Variants in IFT74 observed in about 807,000 individuals in gnomAD.
IFT74 encodes intraflagellar transport protein 74 homolog.
Under a neutral mutation model 96.7 loss-of-function variants are expected in IFT74, and 92 were observed. The observed-to-expected ratio is 0.95, with a 90% CI of 0.80 to 1.13. The LOEUF is 1.13. Among genes scored for constraint, IFT74 ranks in the 50% most tolerant of loss-of-function variants. The probability of loss-of-function intolerance (pLI) is 0.00; values close to 1 mark genes in which losing one functional copy is unlikely to be tolerated. For missense variants in IFT74, 811 were observed against 698.2 expected (o/e 1.16, Z -1.82); for synonymous variants, 223 against 213.2 (o/e 1.05, Z -0.40).
At chr9:27,000,341 ACG>A (rs1303400007) in intron 8 of IFT74, among the ~76,000 whole-genome samples, 2 of 152,174 alleles carry the variant, frequency 1.3e-5, no homozygotes, top group African/African-American at 4.8e-5. Flanking sequence ...ATTCAGGAAA[ACG>A]TATATTTATG....
chr9:27,052,921 G>A (rs1206462182), intron 16 of IFT74, among the ~76,000 whole-genome samples: 3 of 152,064 alleles, frequency 2.0e-5, no homozygotes, highest in Non-Finnish European at 4.4e-5. Flanking sequence ...GGAGTGCAGT[G>A]GCGCGATTTT....
At chr9:26,963,880 T>C (rs1259537462) in intron 2 of IFT74, among the ~76,000 whole-genome samples, 4 of 152,120 alleles carry the variant, frequency 2.6e-5, no homozygotes, top group African/African-American at 7.2e-5. Context: ...GTCAGATGAG[T>C]AGGTTGCGAA....
At chr9:26,952,884 AG>A (rs1429636974), upstream of IFT74, among the ~76,000 whole-genome samples, 11 of 152,362 alleles carry the variant, frequency 7.2e-5, no homozygotes, top group Non-Finnish European at 1.6e-4. Context: ...ACAGACTAAC[AG>A]GAGAAAAATA....
intron 13 of IFT74, among the ~76,000 whole-genome samples, chr9:27,040,012 A>C (rs1455376714): frequency 6.6e-6 from 1 of 152,222 alleles, no homozygotes; most frequent in Admixed American, 6.5e-5. Context: ...GTTCTGGCTC[A>C]CTAAAATATG....
rs563027138 is a variant in IFT74 at position 26,968,265 on chromosome 9, A to T, written c.120+6178A>T. On this transcript the variant is annotated intron_variant, in intron 2 of 19. Coordinates refer to ENST00000380062, the MANE Select transcript of IFT74 (RefSeq NM_025103.4). ...GAGACGTTTTTTAAATTAAAAAAAAATTTTTTTTTTTTTTGAGATGTAATC... is the reference window on the plus strand; with the variant it reads ...GAGACGTTTTTTAAATTAAAAAAAATTTTTTTTTTTTTTTGAGATGTAATC... 1.3e-3 allele frequency among the ~76,000 whole-genome samples: 184 copies of T among 139,264 alleles called. 2 individuals are homozygous for T. Among genetic ancestry groups the T allele is most frequent in the Middle Eastern group, 3.9e-3 (1 of 256 alleles). 91.4% of individuals were successfully genotyped at this position (139,264 alleles called of 152,430 possible).
chr9:26,992,538 T>C (rs567297418), intron 8 of IFT74, among the ~76,000 whole-genome samples: 21 of 151,678 alleles, frequency 1.4e-4, no homozygotes, highest in African/African-American at 5.1e-4. Flanking sequence ...ACTAAAAATA[T>C]AAAAATTAGC....
In IFT74 at chr9:26,980,642, T is replaced by G. The variant is rs752898601; in HGVS notation, c.305+23T>G. On this transcript the variant is annotated intron_variant, in intron 4 of 19. Transcript: ENST00000380062. ...TAGGTATGTTAAACATATCTTTTCA[T>G]CCGTATGTTTTACTCGAAATATTGT... The G allele has an allele frequency of 3.4e-6, 5 of 1,484,572 alleles. No homozygotes were observed. The African/African-American group carries it at 4.2e-5, about 12-fold the overall frequency. The allele number at this position is 1,484,572 out of a possible 1,614,324, so 92.0% of individuals were successfully genotyped here.
chr9:27,050,700 A>C (rs1489715179), intron 16 of IFT74, among the ~76,000 whole-genome samples: 2 of 131,878 alleles, frequency 1.5e-5, no homozygotes, highest in African/African-American at 2.8e-5. Context: ...ACACTTGGAC[A>C]CAGGAAGGGG....
At chr9:27,050,725 G>A (rs1403400670) in intron 16 of IFT74, among the ~76,000 whole-genome samples, 1 of 138,560 alleles carries the variant, frequency 7.2e-6, no homozygotes, top group Non-Finnish European at 1.5e-5. Flanking sequence ...TCACACACCG[G>A]GGCCTGTTTT....
chr9:26,984,067 A>T lies in IFT74; in HGVS notation c.306-190A>T, dbSNP rs561953931. 2.3e-5 allele frequency: 9 copies of T among 396,550 alleles called. No homozygotes were observed. The South Asian group carries it at 2.6e-4, about 12-fold the overall frequency. The allele number at this position is 396,550 out of a possible 1,614,324, so 24.6% of individuals were successfully genotyped here. ...CCAAAGTGTTGGGATTACAGGCTTG[A>T]CCCACCGCACCCAGCCAGAATATAC... On this transcript the variant is annotated intron_variant, in intron 4 of 19. Transcript: ENST00000380062.
In IFT74 at chr9:27,011,982, C is replaced by A; in HGVS notation, c.789+14C>A. The A allele has an allele frequency of 6.5e-7, 1 of 1,542,726 alleles. No homozygotes were observed. Among genetic ancestry groups the A allele is most frequent in the Non-Finnish European group, 8.8e-7 (1 of 1,138,074 alleles). On this transcript the variant is annotated intron_variant, in intron 10 of 19. Transcript: ENST00000380062. ...AGCCTGGAAGCAGTAAGTATAAAAT[C>A]AAATAAGGGTTCTCATACTACTCAG... is the stretch of plus-strand genomic sequence containing the variant.
At chr9:26,999,791 T>TTG (rs1828379021) in intron 8 of IFT74, 16 of 757,984 alleles carry the variant, frequency 2.1e-5, no homozygotes, top group Non-Finnish European at 3.0e-5. Context: ...TTTTTTTTTT[T>TTG]GGCTGAGACA....
At chr9:27,017,133 C>G in intron 11 of IFT74, 83 bp downstream of exon 11, 1 of 1,109,338 alleles carries the variant, frequency 9.0e-7, no homozygotes, top group Non-Finnish European at 1.3e-6. Context: ...GATATTAATG[C>G]AAGTAGTAAA....
intron 10 of IFT74, among the ~76,000 whole-genome samples, chr9:27,012,774 T>G (rs1479099708): frequency 7.5e-6 from 1 of 132,962 alleles, no homozygotes; most frequent in Admixed American, 9.0e-5. Flanking sequence ...TGGAGTGCAG[T>G]GGTGCGATCT....
chr9:26,991,263 G>T (rs1056670274), intron 8 of IFT74, among the ~76,000 whole-genome samples: 6 of 152,078 alleles, frequency 3.9e-5, no homozygotes, highest in African/African-American at 1.4e-4. Context: ...TTGCTCTGTT[G>T]CCCTTGCTGA....
chr9:27,047,367 G>C lies in IFT74; in HGVS notation c.1202G>C (p.Ser401Thr), dbSNP rs1026606574. The C allele has an allele frequency of 1.9e-6, 3 of 1,595,822 alleles. No individual in the cohort carries two copies. Among genetic ancestry groups the C allele is most frequent in the Admixed American group, 3.4e-5 (2 of 59,636 alleles). The change falls in exon 15 of 20, where the codon AGT becomes ACT. Residue 401 changes from serine (S) to threonine (T), a missense_variant. By Grantham distance (58) the Ser-to-Thr change is moderately conservative. Coordinates refer to ENST00000380062, the MANE Select transcript of IFT74 (RefSeq NM_025103.4). Reference sequence around the variant, plus strand: ...ATTGTTGCACTCTTGGAGCACTGCAGTCGAGTGAGTACCATGTGCCTGTCT... The same window carrying C: ...ATTGTTGCACTCTTGGAGCACTGCACTCGAGTGAGTACCATGTGCCTGTCT... ...ANIVALLEHC[S>T]RNINRIEQIS...
intron 1 of IFT74, among the ~76,000 whole-genome samples, chr9:26,957,222 A>G (rs1435207341): frequency 6.6e-6 from 1 of 152,218 alleles, no homozygotes; most frequent in East Asian, 1.9e-4. Context: ...TCCCACTGGT[A>G]ATAATATAAT....
At chr9:27,044,657 T>C (rs796880199) in intron 13 of IFT74, 85 bp from the exon 14 acceptor site, 29 of 760,590 alleles carry the variant, frequency 3.8e-5, no homozygotes, top group African/African-American at 3.0e-4. Context: ...ACTAATGGCA[T>C]AGAGAGAACC....
intron 19 of IFT74, among the ~76,000 whole-genome samples, chr9:27,061,968 T>C (rs1820445608): frequency 6.6e-6 from 1 of 152,156 alleles, no homozygotes; most frequent in African/African-American, 2.4e-5. Context: ...AAAAGTTGTT[T>C]CCTATTCCCT....
Sources: allele counts gnomAD v4.1 joint callset (sites outside exome capture counted in the v4.1 genomes callset), GRCh38; gene constraint gnomAD v4.1.1; transcripts MANE v1.5; gene names NCBI Gene and HGNC (gene_info 2026-07-23, HGNC 2026-07-21).